FRMD3: variants seen among roughly 807,000 people sequenced by gnomAD.
FRMD3 encodes the protein FERM domain containing 3.
FRMD3 carries 33 observed loss-of-function variants against 70.2 expected under a neutral mutation model. The observed-to-expected ratio is 0.47, with a 90% CI of 0.36 to 0.63. The LOEUF (loss-of-function observed/expected upper bound fraction) is 0.63, where lower values mean the gene tolerates loss of function less well. Among genes scored for constraint, FRMD3 ranks in the 20% least tolerant of loss-of-function variants. The probability of loss-of-function intolerance (pLI) is 0.00; values close to 1 mark genes in which losing one functional copy is unlikely to be tolerated. For synonymous variants in FRMD3, 279 were observed against 255.9 expected, an observed-to-expected ratio of 1.09 and a Z score of -0.86; for missense variants, 632 against 711.4, an observed-to-expected ratio of 0.89 and a Z score of 1.27.
At chr9:83,324,691 T>C (rs113440111) in intron 6 of FRMD3, among the ~76,000 whole-genome samples, 12 of 152,250 alleles carry the variant, frequency 7.9e-5, no homozygotes, top group Non-Finnish European at 1.3e-4. Context: ...TAACATTTTT[T>C]ATATTGCCAG....
chr9:83,346,650 A>C (rs933443534), intron 4 of FRMD3, among the ~76,000 whole-genome samples: 6 of 152,242 alleles, frequency 3.9e-5, no homozygotes, highest in African/African-American at 1.4e-4. Context: ...TGCACATACT[A>C]AACTGTACAC....
the FRMD3 span, among the ~76,000 whole-genome samples, chr9:83,574,739 C>A: frequency 1.3e-5 from 2 of 152,216 alleles, no homozygotes; most frequent in African/African-American, 4.8e-5. Context: ...TATTTTGGTC[C>A]AGGAAGCTGC....
At chr9:83,381,564 G>C (rs1462463643) in intron 2 of FRMD3, among the ~76,000 whole-genome samples, 1 of 151,702 alleles carries the variant, frequency 6.6e-6, no homozygotes, top group African/African-American at 2.4e-5. Context: ...AGAAAAGAAA[G>C]AAAGAAAAAA....
chr9:83,430,273 C>T (rs905502498), intron 1 of FRMD3, among the ~76,000 whole-genome samples: 1 of 152,050 alleles, frequency 6.6e-6, no homozygotes, highest in Non-Finnish European at 1.5e-5. Context: ...CCCACGCTGG[C>T]CCCTCCTTCT....
intron 3 of FRMD3, among the ~76,000 whole-genome samples, chr9:83,362,173 G>A (rs886688067): frequency 2.0e-5 from 2 of 101,770 alleles, no homozygotes; most frequent in Non-Finnish European, 3.9e-5. Context: ...CGATGCTGTT[G>A]GTTCTCTCTC....
chr9:83,538,392 G>A lies in FRMD3; in HGVS notation c.-161C>T, dbSNP rs985654713. The A allele has an allele frequency of 5.9e-6, 3 of 506,946 alleles. No individual in the cohort carries two copies. The highest frequency in any genetic ancestry group is 4.4e-5 in the Admixed American group (1 of 22,492). 31.4% of individuals were successfully genotyped at this position (506,946 alleles called of 1,614,324 possible). A position where few individuals can be genotyped will look rare whatever the true frequency, so the allele number is the denominator to read the frequency against. On this transcript the variant is annotated 5_prime_UTR_variant, in exon 1 of 14. Coordinates refer to ENST00000304195, the MANE Select transcript of FRMD3 (RefSeq NM_174938.6). This position sits in a 1 kb window ranked among gnomAD's most constrained non-coding sequence, Gnocchi z 4.7. ...CTGCGGACACACATGCCCAGCGGCCGGGGCGCGGCGGGCGGGTCCCTCCCT... is the reference window on the plus strand; with the variant it reads ...CTGCGGACACACATGCCCAGCGGCCAGGGCGCGGCGGGCGGGTCCCTCCCT...
At chr9:83,398,181 T>C (rs1371525125) in intron 1 of FRMD3, among the ~76,000 whole-genome samples, 2 of 152,204 alleles carry the variant, frequency 1.3e-5, no homozygotes, top group African/African-American at 4.8e-5. Context: ...GGACCACAGC[T>C]TTAACAAAAA....
At chr9:83,492,884 C>T (rs376578909) in intron 1 of FRMD3, among the ~76,000 whole-genome samples, 1 of 152,192 alleles carries the variant, frequency 6.6e-6, no homozygotes, top group African/African-American at 2.4e-5. Context: ...ATAGCTCTCC[C>T]CTCTTCACCA....
intron 3 of FRMD3, among the ~76,000 whole-genome samples, chr9:83,359,670 T>C (rs1197564164): frequency 6.6e-6 from 1 of 152,226 alleles, no homozygotes; most frequent in Non-Finnish European, 1.5e-5. Flanking sequence ...CATTTTTGTA[T>C]GCCACAAAAA....
intron 13 of FRMD3, among the ~76,000 whole-genome samples, chr9:83,262,756 C>T (rs1833045915): frequency 6.6e-6 from 1 of 152,148 alleles, no homozygotes; most frequent in African/African-American, 2.4e-5. Flanking sequence ...ACCCAGATAG[C>T]TCTTACTCAT....
intron 1 of FRMD3, chr9:83,467,621 T>C: frequency 6.5e-7 from 1 of 1,529,954 alleles, no homozygotes; most frequent in Non-Finnish European, 8.8e-7. Context: ...CACATACCTT[T>C]GAAAGCTGCA....
the FRMD3 span, among the ~76,000 whole-genome samples, chr9:83,570,473 A>G: frequency 2.0e-5 from 3 of 152,194 alleles, no homozygotes; most frequent in Non-Finnish European, 4.4e-5. Flanking sequence ...ACAAATTATC[A>G]CACACTTAGT....
intron 1 of FRMD3, among the ~76,000 whole-genome samples, chr9:83,396,915 A>G (rs12003617): frequency 6.6e-4 from 100 of 152,336 alleles, no homozygotes; most frequent in African/African-American, 2.4e-3. Context: ...AGAGAACAGT[A>G]ATGCTGGTGT....
intron 1 of FRMD3, among the ~76,000 whole-genome samples, chr9:83,525,762 C>A (rs1829671305): frequency 6.6e-6 from 1 of 152,160 alleles, no homozygotes; most frequent in Non-Finnish European, 1.5e-5. Flanking sequence ...GTGGCTGCCC[C>A]ATTTGTAGAA....
chr9:83,476,379 CT>C (rs1828397646), intron 1 of FRMD3, among the ~76,000 whole-genome samples: 1 of 73,942 alleles, frequency 1.4e-5, no homozygotes, highest in Non-Finnish European at 2.7e-5. Context: ...GCAAGACTCT[CT>C]CTCAAAAAAA....
rs546620628 is a variant in FRMD3, at chr9:83,328,504, A to G, written c.596+7012T>C. 8.5e-5 allele frequency among the ~76,000 whole-genome samples: 13 copies of G among 152,340 alleles called. No individual in the cohort carries two copies. The East Asian group carries it at 2.1e-3, about 25-fold the overall frequency. On this transcript the variant is annotated intron_variant, in intron 6 of 13. Transcript: ENST00000304195. ...CCTTAAGCATAGAAATTGGCTGTCA[A>G]ATTTCTTTGCTGTTGGCTAGTGACC...
intron 1 of FRMD3, among the ~76,000 whole-genome samples, chr9:83,471,768 G>A (rs1161298100): frequency 1.3e-5 from 2 of 152,222 alleles, no homozygotes; most frequent in East Asian, 3.8e-4. Flanking sequence ...AAGTGGTGAA[G>A]TATGAAACCT....
chr9:83,391,787 G>A (rs1470127670), intron 1 of FRMD3, among the ~76,000 whole-genome samples: 1 of 152,154 alleles, frequency 6.6e-6, no homozygotes, highest in Non-Finnish European at 1.5e-5. Flanking sequence ...AACCAGGTCA[G>A]GCCAATTCCC....
chr9:83,420,796 C>A (rs1826610830), intron 1 of FRMD3, among the ~76,000 whole-genome samples: 1 of 152,092 alleles, frequency 6.6e-6, no homozygotes, highest in Non-Finnish European at 1.5e-5. Context: ...CTCTCTCACA[C>A]CTCCTGTCTC....
Sources: gnomAD v4.1 joint callset for allele counts (sites outside exome capture counted in the v4.1 genomes callset) on GRCh38, gnomAD v4.1.1 for gene constraint, Gnocchi (gnomAD v3.1) non-coding constraint, MANE v1.5 for transcripts, NCBI Gene and HGNC (gene_info 2026-07-23, HGNC 2026-07-21) for gene names.